Variants in MUC4 observed in about 807,000 individuals in gnomAD.
MUC4 encodes mucin-4.
A neutral mutation model predicts 257.9 loss-of-function variants in MUC4; 202 were observed. The ratio of observed to expected loss-of-function variants is 0.78; its 90% CI spans 0.70 to 0.88. The LOEUF (loss-of-function observed/expected upper bound fraction) is 0.88. Among genes scored for constraint, MUC4 ranks in the 40% least tolerant of loss-of-function variants. The pLI, the probability that MUC4 is intolerant of heterozygous loss-of-function variation, is 0.00. For missense variants in MUC4, 5,976 were observed against 6,513.7 expected, an observed-to-expected ratio of 0.92 and a Z score of 2.84; for synonymous variants, 2,351 against 2,757.1, an observed-to-expected ratio of 0.85 and a Z score of 4.62.
At position 195,789,904 on chromosome 3, in the gene MUC4, G is replaced by C; in HGVS notation, c.1676C>G (p.Thr559Arg). 1 of 1,614,032 alleles carries C rather than the reference G, an allele frequency of 6.2e-7. No homozygotes were observed. The highest frequency in any genetic ancestry group is 8.5e-7 in the Non-Finnish European group (1 of 1,179,896). The change falls in exon 2 of 25, where the codon ACA becomes AGA. Residue 559 changes from threonine (T) to arginine (R), a missense_variant. Physicochemically the swap from Thr to Arg is moderately conservative, Grantham distance 71. Coordinates refer to ENST00000463781, the MANE Select transcript of MUC4 (RefSeq NM_018406.7). ...CCATTGTGTCTGGGCGCCTGCCCCTGTTGTTTTTGGGAGAGTTGTGCTGTG... is the reference window on the plus strand; with the variant it reads ...CCATTGTGTCTGGGCGCCTGCCCCTCTTGTTTTTGGGAGAGTTGTGCTGTG... ...SSHSTTLPKT[T>R]GAGAQTQWTQ...
chr3:195,754,739 T>G (rs571111499), intron 18 of MUC4, among the ~76,000 whole-genome samples: 1 of 152,378 alleles, frequency 6.6e-6, no homozygotes, highest in African/African-American at 2.4e-5. Flanking sequence ...TGTATCCATG[T>G]ATAGATGTAT....
Position 195,773,236 on chromosome 3 carries a change from A to T in MUC4, c.13077+936T>A, listed in dbSNP as rs1313240533. Among the ~76,000 whole-genome samples the T allele has an allele frequency of 4.8e-4, 57 of 118,050 alleles. 1 individual carries two copies. The highest frequency in any genetic ancestry group is 8.7e-4 in the Non-Finnish European group (50 of 57,606). The allele number at this position is 118,050 out of a possible 152,430, so 77.4% of individuals were successfully genotyped here. On this transcript the variant is annotated intron_variant, in intron 4 of 24. Coordinates refer to ENST00000463781, the MANE Select transcript of MUC4 (RefSeq NM_018406.7). ...TGGAAACCTCTCTCTATCACTCAGCAGGTGTAGATACCCTCTCTCCATCGC... is the reference window on the plus strand; with the variant it reads ...TGGAAACCTCTCTCTATCACTCAGCTGGTGTAGATACCCTCTCTCCATCGC...
rs895975260 is a variant in MUC4, at chr3:195,762,149, T to G, written c.14450A>C (p.Asn4817Thr). Reference protein sequence around the residue: ...WATVSVIALSNILHASASLPP... With the variant: ...WATVSVIALSTILHASASLPP... Reference sequence around the variant, plus strand: ...GAGGCTGGCGGAGGCGTGGAGGATGTTGGAGAGCGCGATCACCGAGACGGT... The same window carrying G: ...GAGGCTGGCGGAGGCGTGGAGGATGGTGGAGAGCGCGATCACCGAGACGGT... Residue 4817 changes from asparagine to threonine, a missense_variant, in exon 14 of 25, where the codon AAC becomes ACC. Transcript: ENST00000463781. The G allele has an allele frequency of 1.2e-6, 2 of 1,606,152 alleles. No homozygotes were observed. The highest frequency in any genetic ancestry group is 1.3e-5 in the African/African-American group (1 of 74,568).
intron 1 of MUC4, among the ~76,000 whole-genome samples, chr3:195,802,030 C>A (rs1387974434): frequency 3.3e-5 from 5 of 152,202 alleles, no homozygotes; most frequent in Non-Finnish European, 5.9e-5. Flanking sequence ...CGTCTACTCT[C>A]ACGCCTTACA....
In MUC4 at chr3:195,789,663, G is replaced by A. The variant is rs1733607906; in HGVS notation, c.1917C>T (p.His639=). 1.2e-6 allele frequency: 2 copies of A among 1,613,904 alleles called. No individual in the cohort carries two copies. Residue 639 remains histidine, a synonymous_variant, in exon 2 of 25, where the codon CAC becomes CAT. Coordinates refer to ENST00000463781, the MANE Select transcript of MUC4 (RefSeq NM_018406.7). ...QESPAVSQRG[H]TQAPQTTQES... ...CTTGTGTGGTCTGCGGGGCTTGAGT[G>A]TGACCCCTTTGGGAAACAGCTGGTG... is the stretch of plus-strand genomic sequence containing the variant.
rs1243270895 is a variant in MUC4, at chr3:195,785,070, G to A, written c.6510C>T (p.Ser2170=). 6.5e-7 allele frequency: 1 copy of A among 1,544,498 alleles called. No homozygotes were observed. The highest frequency in any genetic ancestry group is 1.4e-5 in the African/African-American group (1 of 72,452). Residue 2170 remains serine (S), a synonymous_variant, in exon 2 of 25, where the codon TCC becomes TCT. Coordinates refer to ENST00000463781, the MANE Select transcript of MUC4 (RefSeq NM_018406.7). ...CAGGAAGAGAGGTGGCGTGACCTGT[G>A]GATGCTGAGGAAGTGTCGGTGACAG... The part of the protein sequence containing the change: ...SLPVTDTSSA[S]TGHATSLPVT...
intron 1 of MUC4, among the ~76,000 whole-genome samples, chr3:195,799,291 G>A (rs2688528): frequency 0.54 from 82,008 of 151,224 alleles, 23,460 homozygotes; most frequent in East Asian, 0.74. Flanking sequence ...CTGCCCTTAT[G>A]GAACATTGGA....
Position 195,779,627 on chromosome 3 carries a change from G to A in MUC4, c.11953C>T (p.Leu3985Phe). 9.5e-7 allele frequency: 1 copy of A among 1,055,900 alleles called. No individual in the cohort carries two copies. Among genetic ancestry groups the A allele is most frequent in the Non-Finnish European group, 1.3e-6 (1 of 783,200 alleles). The allele number at this position is 1,055,900 out of a possible 1,614,324, so 65.4% of individuals were successfully genotyped here. A position where few individuals can be genotyped will look rare whatever the true frequency, so the allele number is the denominator to read the frequency against. Residue 3985 changes from leucine to phenylalanine, a missense_variant, in exon 2 of 25, where the codon CTT (leucine) becomes TTT (phenylalanine). Coordinates refer to ENST00000463781, the MANE Select transcript of MUC4 (RefSeq NM_018406.7). Reference protein sequence around the residue: ...SSASTGHATPLPVTDTSSVST... With the variant: ...SSASTGHATPFPVTDTSSVST... ...ACTGAGGAAGTGTCGGTGACAGGAA[G>A]GGGGGTGGCGTGACCTGTGGATGCT...
At position 195,788,895 on chromosome 3, in the gene MUC4, A is replaced by C; in HGVS notation, c.2685T>G (p.Ser895Arg). The C allele has an allele frequency of 6.2e-7, 1 of 1,613,636 alleles. No homozygotes were observed. Among genetic ancestry groups the C allele is most frequent in the Non-Finnish European group, 8.5e-7 (1 of 1,179,756 alleles). The stretch of plus-strand genomic sequence containing the variant: ...TGGCGGCTGTCTCCTGAGGAGAGGC[A>C]CTGGGAGAAGTTGGGCTTGACTGTC... ...PTGQSSPTSP[S>R]ASPQETAAIS... The change falls in exon 2 of 25, where the codon AGT becomes AGG. Residue 895 changes from serine to arginine, a missense_variant. Coordinates refer to ENST00000463781, the MANE Select transcript of MUC4 (RefSeq NM_018406.7).
Position 195,799,769 on chromosome 3 carries a change from T to C in MUC4, c.83-8272A>G, listed in dbSNP as rs187731399. 3.9e-4 allele frequency among the ~76,000 whole-genome samples: 60 copies of C among 152,336 alleles called. No individual in the cohort carries two copies. In the East Asian group the frequency reaches 0.011, roughly 27 times the overall value. On this transcript the variant is annotated intron_variant, in intron 1 of 24. Coordinates refer to ENST00000463781, the MANE Select transcript of MUC4 (RefSeq NM_018406.7). ...TCAGCTCATCTCCTTAACATAAATT[T>C]CTATCAGTGGAATTGCTGGTTTATG...
At chr3:195,769,630 C>T (rs1306449286) in intron 6 of MUC4, 2 of 163,184 alleles carry the variant, frequency 1.2e-5, no homozygotes, top group Non-Finnish European at 2.7e-5. Flanking sequence ...GAACTTTTGT[C>T]GAGTGAATGA....
In MUC4 at chr3:195,779,210, C is replaced by T. The variant is rs749790548; in HGVS notation, c.12370G>A (p.Gly4124Ser). 1 of 1,309,978 alleles carries T rather than the reference C, an allele frequency of 7.6e-7. No individual in the cohort carries two copies. The highest frequency in any genetic ancestry group is 1.0e-6 in the Non-Finnish European group (1 of 975,720). The allele number at this position is 1,309,978 out of a possible 1,614,324, so 81.1% of individuals were successfully genotyped here. Residue 4124 changes from glycine (G) to serine (S), a missense_variant, in exon 2 of 25, where the codon GGT (glycine) becomes AGT (serine). Around this residue, in one of 44 missense-constraint regions of MUC4, gnomAD observed 293 missense variants for 294.5 expected, o/e 1.00. Coordinates refer to ENST00000463781, the MANE Select transcript of MUC4 (RefSeq NM_018406.7). Reference protein sequence around the residue: ...PVTDTSSASTGQATPLPVTSL... With the variant: ...PVTDTSSASTSQATPLPVTSL... ...GTGACAGGAAGAGGGGTGGCCTGAC[C>T]TGTGGATGCAGAGGAAGTGTCGGTG...
At chr3:195,767,912 A>ACCACCACTGCCACC (rs1560266515) in intron 7 of MUC4, among the ~76,000 whole-genome samples, 1 of 111,744 alleles carries the variant, frequency 8.9e-6, no homozygotes, top group Non-Finnish European at 1.7e-5. Flanking sequence ...CACCATCACC[A>ACCACCACTGCCACC]TCGCCACTGC....
At position 195,775,350 on chromosome 3, in the gene MUC4, G is replaced by C. The variant is rs72499647; in HGVS notation, c.12944-1045C>G. Among the ~76,000 whole-genome samples the C allele has an allele frequency of 8.4e-4, 127 of 151,296 alleles. 5 individuals carry two copies. The East Asian group carries it at 0.024, about 29-fold the overall frequency. ...GGGATCCACCCCCATGCAGCACCGG[G>C]ACGACTTTCTGCAGCCATACCTACC... On this transcript the variant is annotated intron_variant, in intron 3 of 24. Coordinates refer to ENST00000463781, the MANE Select transcript of MUC4 (RefSeq NM_018406.7).
At position 195,747,178 on chromosome 3, in the gene MUC4, A is replaced by G; in HGVS notation, c.16237T>C (p.Ter5413ArgextTer56). The G allele has an allele frequency of 6.2e-7, 1 of 1,614,242 alleles. No individual in the cohort carries two copies. Among genetic ancestry groups the G allele is most frequent in the Non-Finnish European group, 8.5e-7 (1 of 1,180,044 alleles). Residue 5413 changes from the stop codon to arginine, a stop_lost, in exon 25 of 25, where the codon TGA (stop) becomes CGA (arginine). Coordinates refer to ENST00000463781, the MANE Select transcript of MUC4 (RefSeq NM_018406.7). Reference protein sequence around the residue: ...YFLNSAEALP* With the variant: ...YFLNSAEALPR ...TAGCCTAGGCCACAGCTGCCCCTTC[A>G]AGGCAAGGCCTCAGCTGAGTTCAGG...
In MUC4 at chr3:195,778,861, G is replaced by C. The variant is rs375879493; in HGVS notation, c.12719C>G (p.Pro4240Arg). The part of the protein sequence containing the change: ...LSSVSTGHAT[P>R]LAVSSATSAS... ...TGAGGTAGCACTGCTGACAGCAAGA[G>C]GGGTGGCGTGACCTGTGGATACTGA... The change falls in exon 2 of 25, where the codon CCT becomes CGT. Residue 4240 changes from proline to arginine, a missense_variant. By Grantham distance (103) the Pro-to-Arg change is moderately radical. This residue lies in a region of MUC4 where 233 missense variants were observed against 171.2 expected (regional missense o/e 1.36). Transcript: ENST00000463781. 1 of 1,610,412 alleles carries C rather than the reference G, an allele frequency of 6.2e-7. No individual in the cohort carries two copies. Among genetic ancestry groups the C allele is most frequent in the Non-Finnish European group, 8.5e-7 (1 of 1,178,604 alleles).
At position 195,779,320 on chromosome 3, in the gene MUC4, GAA is replaced by G. The variant is rs1726037954; in HGVS notation, c.12258_12259del (p.Ser4087LeufsTer22). On this transcript the variant is annotated frameshift_variant, in exon 2 of 25. Transcript: ENST00000463781. LOFTEE classifies it high-confidence loss of function. ...GGTGGCGTGACCGGTGGATGCTGAG[GAA>G]GCATCGGTGACAGGAAGAGTGCTGG... 1 of 1,101,614 alleles carries G rather than the reference GAA, an allele frequency of 9.1e-7. No homozygotes were observed. The allele number at this position is 1,101,614 out of a possible 1,614,324, so 68.2% of individuals were successfully genotyped here. A position where few individuals can be genotyped will look rare whatever the true frequency, so the allele number is the denominator to read the frequency against.
rs1458016227 is a variant in MUC4 at position 195,757,945 on chromosome 3, G to A, written c.14987-617C>T. Reference sequence around the variant, plus strand: ...CCATCGTCCTTCAGGGGTGGGGCCCGTGGAGAAGAAAACCTCTCAGTGCCA... The same window carrying A: ...CCATCGTCCTTCAGGGGTGGGGCCCATGGAGAAGAAAACCTCTCAGTGCCA... On this transcript the variant is annotated intron_variant, in intron 17 of 24. Transcript: ENST00000463781. This position sits in a 1 kb window ranked among gnomAD's most constrained non-coding sequence, Gnocchi z 4.8. Among the ~76,000 whole-genome samples the A allele has an allele frequency of 4.6e-5, 7 of 152,238 alleles. No homozygotes were observed. Among genetic ancestry groups the A allele is most frequent in the Non-Finnish European group, 8.8e-5 (6 of 68,044 alleles).
At chr3:195,795,819 T>C (rs3103952) in intron 1 of MUC4, among the ~76,000 whole-genome samples, 123,757 of 144,688 alleles carry the variant, frequency 0.86, 53,101 homozygotes, top group African/African-American at 0.97. Flanking sequence ...ATAAAACAAA[T>C]ACCTGGCAAG....
Sources: gnomAD v4.1 joint callset for allele counts (sites outside exome capture counted in the v4.1 genomes callset) on GRCh38, gnomAD v4.1.1 for gene constraint, gnomAD v4.1.1 regional missense constraint, Gnocchi (gnomAD v3.1) non-coding constraint, MANE v1.5 for transcripts, NCBI Gene and HGNC (gene_info 2026-07-23, HGNC 2026-07-21) for gene names.